Variants in DSCAML1 observed in about 807,000 individuals in gnomAD.
DSCAML1 encodes DS cell adhesion molecule like 1.
DSCAML1 carries 38 observed loss-of-function variants against 200.5 expected under a neutral mutation model. That is an observed-to-expected ratio of 0.19 (90% CI 0.15 to 0.25). DSCAML1 has a LOEUF of 0.25. Among genes scored for constraint, DSCAML1 ranks in the 10% least tolerant of loss-of-function variants. The pLI is 1.00. For missense variants in DSCAML1, 2,223 were observed against 2,858.8 expected, an observed-to-expected ratio of 0.78 and a Z score of 5.07; for synonymous variants, 1,215 against 1,165.0, an observed-to-expected ratio of 1.04 and a Z score of -0.87.
At chr11:117,614,707 C>T (rs11216470) in intron 3 of DSCAML1, among the ~76,000 whole-genome samples, 2,577 of 152,320 alleles carry the variant, frequency 0.017, 33 homozygotes, top group Middle Eastern at 0.034. Flanking sequence ...TAAATTGGAA[C>T]GGTCCAGTCC....
At chr11:117,438,189 G>T in intron 24 of DSCAML1, 106 bp from the exon 25 acceptor site, 3 of 1,154,730 alleles carry the variant, frequency 2.6e-6, no homozygotes, top group Non-Finnish European at 2.4e-6. Context: ...AGGGGGCAGA[G>T]TCAGGCTTTT....
intron 15 of DSCAML1, among the ~76,000 whole-genome samples, chr11:117,471,392 G>A (rs921320765): frequency 2.6e-5 from 4 of 152,112 alleles, no homozygotes; most frequent in Non-Finnish European, 5.9e-5. Flanking sequence ...GGCTGGTCTC[G>A]TACTCCTGAC....
intron 1 of DSCAML1, among the ~76,000 whole-genome samples, chr11:117,781,302 A>AG (rs1445122865): frequency 1.3e-5 from 2 of 151,884 alleles, no homozygotes; most frequent in African/African-American, 4.8e-5. Context: ...AAAAAAAAAA[A>AG]AAAGAAAGAA....
intron 3 of DSCAML1, among the ~76,000 whole-genome samples, chr11:117,602,824 TG>T (rs1263838887): frequency 6.6e-6 from 1 of 151,638 alleles, no homozygotes; most frequent in Non-Finnish European, 1.5e-5. Flanking sequence ...AGAGGCCATG[TG>T]GGGTGGCTCA....
chr11:117,634,624 G>C (rs1565840603), intron 3 of DSCAML1, among the ~76,000 whole-genome samples: 1 of 152,136 alleles, frequency 6.6e-6, no homozygotes, highest in African/African-American at 2.4e-5. Flanking sequence ...TAATACTCTG[G>C]TGACAGTAGC....
In DSCAML1 at chr11:117,769,447, A is replaced by AT. The variant is rs1289482606; in HGVS notation, c.511+7343dup. ...TTATATATATTTTTATATAATATAT[A>AT]TTTTATATATATAATATATATTTTA... On this transcript the variant is annotated intron_variant, in intron 3 of 32. Coordinates refer to ENST00000651296, the MANE Select transcript of DSCAML1 (RefSeq NM_020693.4). Among the ~76,000 whole-genome samples, 10 of 82,326 alleles carry AT rather than the reference A, an allele frequency of 1.2e-4. 2 individuals carry two copies. The highest frequency in any genetic ancestry group is 5.9e-4 in the African/African-American group (10 of 16,846). 54.0% of individuals were successfully genotyped at this position (82,326 alleles called of 152,430 possible).
At chr11:117,609,827 T>G (rs2051650217) in intron 3 of DSCAML1, among the ~76,000 whole-genome samples, 1 of 152,212 alleles carries the variant, frequency 6.6e-6, no homozygotes, top group Non-Finnish European at 1.5e-5. Context: ...ATGCAGTGTT[T>G]GTTTGATAGT....
At chr11:117,756,669 C>A (rs1404374428) in intron 3 of DSCAML1, among the ~76,000 whole-genome samples, 2 of 151,942 alleles carry the variant, frequency 1.3e-5, no homozygotes, top group East Asian at 3.9e-4. Flanking sequence ...AGGTAAAGGG[C>A]CAAGGGCTAC....
intron 3 of DSCAML1, among the ~76,000 whole-genome samples, chr11:117,662,718 C>T (rs117737382): frequency 1.3e-3 from 198 of 152,278 alleles, no homozygotes; most frequent in Non-Finnish European, 2.4e-3. Context: ...TCCAGCAAAT[C>T]CTTTCAAACC....
At chr11:117,532,351 G>A (rs988287455) in intron 4 of DSCAML1, 25 bp downstream of exon 4, 5 of 1,606,676 alleles carry the variant, frequency 3.1e-6, no homozygotes, top group East Asian at 2.2e-5. Context: ...AGCCTGCCCC[G>A]TTCTCCCCAG....
At chr11:117,462,173 G>A (rs988433793) in intron 17 of DSCAML1, among the ~76,000 whole-genome samples, 14 of 152,172 alleles carry the variant, frequency 9.2e-5, no homozygotes, top group African/African-American at 2.9e-4. Flanking sequence ...GTTTCTACCC[G>A]GACCTTGGGA....
chr11:117,485,477 T>G (rs2049028296), intron 11 of DSCAML1, among the ~76,000 whole-genome samples: 1 of 152,222 alleles, frequency 6.6e-6, no homozygotes, highest in Non-Finnish European at 1.5e-5. Context: ...CTTGAGGGGC[T>G]TGGGGCCAGG....
intron 3 of DSCAML1, among the ~76,000 whole-genome samples, chr11:117,600,139 G>A (rs916441006): frequency 2.6e-5 from 4 of 152,180 alleles, no homozygotes; most frequent in East Asian, 1.9e-4. Flanking sequence ...AAAAGCTTCC[G>A]AAATGAAGCA....
chr11:117,493,626 T>TTTAA (rs908449801), intron 11 of DSCAML1, among the ~76,000 whole-genome samples: 8 of 151,178 alleles, frequency 5.3e-5, no homozygotes, highest in Non-Finnish European at 1.0e-4. Context: ...GTCCTCTACT[T>TTTAA]TTTATTTATT....
intron 3 of DSCAML1, among the ~76,000 whole-genome samples, chr11:117,660,757 TA>T (rs2052830607): frequency 6.6e-6 from 1 of 152,204 alleles, no homozygotes; most frequent in South Asian, 2.1e-4. Context: ...AAAATTCTAC[TA>T]GGGGAGCTCA....
intron 1 of DSCAML1, among the ~76,000 whole-genome samples, chr11:117,789,036 T>C (rs2055412899): frequency 6.6e-6 from 1 of 152,174 alleles, no homozygotes; most frequent in Non-Finnish European, 1.5e-5. Context: ...GTCATTGAGA[T>C]GACCAAAAAA....
intron 3 of DSCAML1, among the ~76,000 whole-genome samples, chr11:117,581,037 G>A (rs1007588981): frequency 2.0e-5 from 3 of 152,190 alleles, no homozygotes; most frequent in East Asian, 1.9e-4. Context: ...GTGAGCCAAC[G>A]AGGTAGAATG....
intron 3 of DSCAML1, among the ~76,000 whole-genome samples, chr11:117,660,991 G>A (rs2052837967): frequency 6.6e-6 from 1 of 152,228 alleles, no homozygotes; most frequent in Non-Finnish European, 1.5e-5. Context: ...TAGTGCAGAA[G>A]AGGTAATTTT....
intron 3 of DSCAML1, among the ~76,000 whole-genome samples, chr11:117,700,890 C>T (rs2053655578): frequency 6.6e-6 from 1 of 152,258 alleles, no homozygotes; most frequent in Non-Finnish European, 1.5e-5. Flanking sequence ...TCAGGGTTCA[C>T]CGCCTACCCT....
Sources: allele counts gnomAD v4.1 joint callset (sites outside exome capture counted in the v4.1 genomes callset), GRCh38; gene constraint gnomAD v4.1.1; transcripts MANE v1.5; gene names NCBI Gene and HGNC (gene_info 2026-07-23, HGNC 2026-07-21).